The following CYP4B1 variants were observed in gnomAD, a reference collection of about 807,000 sequenced individuals.
CYP4B1 encodes the protein cytochrome P450 4B1.
Under a neutral mutation model 54.0 loss-of-function variants are expected in CYP4B1, and 45 were observed. The observed-to-expected ratio is 0.83, with a 90% CI of 0.66 to 1.07. The LOEUF is 1.07. Among genes scored for constraint, CYP4B1 ranks in the 50% least tolerant of loss-of-function variants. CYP4B1 has a pLI of 0.00. For missense variants in CYP4B1, 656 were observed against 655.4 expected (o/e 1.00, Z -0.01); for synonymous variants, 248 against 247.5 (o/e 1.00, Z -0.02).
intron 1 of CYP4B1, 99 bp from the exon 2 acceptor site, chr1:46,810,709 C>A: frequency 7.5e-7 from 1 of 1,341,352 alleles, no homozygotes; most frequent in Non-Finnish European, 1.1e-6. Flanking sequence ...GCAACCAGGG[C>A]CTGCCTGGGC....
Position 46,799,373 on chromosome 1 carries a change from G to C in CYP4B1, c.180+112G>C, listed in dbSNP as rs906792200. ...GGGAGACTTCAAACTTGGGCAGGGG[G>C]ATGATGTCCTGGGATCCATGGCTTC... On this transcript the variant is annotated intron_variant, in intron 1 of 11. Transcript: ENST00000371923. 17 of 978,190 alleles carry C rather than the reference G, an allele frequency of 1.7e-5. 1 individual carries two copies. Among genetic ancestry groups the C allele is most frequent in the Non-Finnish European group, 1.4e-5 (9 of 662,082 alleles). 60.6% of individuals were successfully genotyped at this position (978,190 alleles called of 1,614,324 possible). A position where few individuals can be genotyped will look rare whatever the true frequency, so the allele number is the denominator to read the frequency against.
At position 46,805,516 on chromosome 1, in the gene CYP4B1, A is replaced by G. The variant is rs138717692; in HGVS notation, c.181-5292A>G. On this transcript the variant is annotated intron_variant, in intron 1 of 11. Transcript: ENST00000371923. ...CTGTATGTTATCTGTTCACATGTAC[A>G]TGTGTAATGGTTTATTTGTCTTTGA... Among the ~76,000 whole-genome samples the G allele has an allele frequency of 8.5e-4, 129 of 152,316 alleles. 1 individual carries two copies. The highest frequency in any genetic ancestry group is 1.4e-3 in the Non-Finnish European group (98 of 68,032).
chr1:46,810,175 C>A (rs1186632111), intron 1 of CYP4B1, among the ~76,000 whole-genome samples: 1 of 152,240 alleles, frequency 6.6e-6, no homozygotes, highest in African/African-American at 2.4e-5. Flanking sequence ...TTGTCTCCAA[C>A]AAGAAGCCTT....
chr1:46,817,328 C>A, intron 9 of CYP4B1, 147 bp downstream of exon 9: 1 of 857,016 alleles, frequency 1.2e-6, no homozygotes, highest in Non-Finnish European at 1.8e-6. Flanking sequence ...AGCCCCACAA[C>A]ATATTGATCA....
chr1:46,799,123 C>T lies in CYP4B1; in HGVS notation c.42C>T (p.Gly14=). The T allele has an allele frequency of 1.9e-6, 3 of 1,614,046 alleles. No individual in the cohort carries two copies. The highest frequency in any genetic ancestry group is 1.7e-6 in the Non-Finnish European group (2 of 1,179,986). ...TCTCCCTGAGCTTCTCCTCCTTGGGCCTGTGGGCTTCTGGGCTGATCTTGG... is the reference window on the plus strand; with the variant it reads ...TCTCCCTGAGCTTCTCCTCCTTGGGTCTGTGGGCTTCTGGGCTGATCTTGG... ...SFLSLSFSSL[G]LWASGLILVL... is the part of the protein sequence containing the mutation. Residue 14 remains glycine (G), a synonymous_variant, in exon 1 of 12, where the codon GGC becomes GGT. Coordinates refer to ENST00000371923, the MANE Select transcript of CYP4B1 (RefSeq NM_001099772.2).
chr1:46,799,313 C>T (rs778845367), intron 1 of CYP4B1, 52 bp downstream of exon 1: 6 of 1,505,526 alleles, frequency 4.0e-6, no homozygotes, highest in Non-Finnish European at 5.4e-6. Flanking sequence ...TCCCTCCTTT[C>T]AGAGAATCAG....
chr1:46,808,894 T>C (rs1221369196), intron 1 of CYP4B1, among the ~76,000 whole-genome samples: 2 of 137,784 alleles, frequency 1.5e-5, no homozygotes, highest in Admixed American at 1.6e-4. Context: ...CCGCATATTC[T>C]CACTCATAGG....
chr1:46,813,703 G>C, intron 5 of CYP4B1, 97 bp downstream of exon 5: 1 of 1,548,072 alleles, frequency 6.5e-7, no homozygotes, highest in Non-Finnish European at 8.8e-7. Context: ...GAAGAGATAG[G>C]GTCCTGCCCC....
At chr1:46,812,150 G>A (rs753223829) in intron 3 of CYP4B1, 2 of 480,858 alleles carry the variant, frequency 4.2e-6, no homozygotes, top group Middle Eastern at 3.1e-4. Context: ...GGCTCAGCAG[G>A]CTCCCCCTCT....
In CYP4B1 at chr1:46,818,802, G is replaced by A. The variant is rs374571859; in HGVS notation, c.1527G>A (p.Gly509=). 45 of 1,614,008 alleles carry A rather than the reference G, an allele frequency of 2.8e-5. No homozygotes were observed. The highest frequency in any genetic ancestry group is 7.6e-6 in the Non-Finnish European group (9 of 1,179,998). ...FHLHLKPLGP[G]SGK ...TCCACCTGAAGCCACTGGGCCCTGG[G>A]TCTGGGAAGTAGCTCTGATGAGAAT... Residue 509 remains glycine, a synonymous_variant, in exon 12 of 12, where the codon GGG becomes GGA. Transcript: ENST00000371923.
intron 1 of CYP4B1, among the ~76,000 whole-genome samples, chr1:46,809,208 A>AAT (rs879740326): frequency 6.6e-4 from 100 of 151,808 alleles, no homozygotes; most frequent in African/African-American, 2.4e-3. Context: ...AAACAAAAAA[A>AAT]AGCTCTCATG....
chr1:46,808,316 G>A (rs1002059563), intron 1 of CYP4B1, among the ~76,000 whole-genome samples: 11 of 151,912 alleles, frequency 7.2e-5, no homozygotes, highest in East Asian at 1.9e-4. Flanking sequence ...GTTGTTTCCT[G>A]ACTTTTTAAT....
chr1:46,810,322 G>T (rs1290114830), intron 1 of CYP4B1, among the ~76,000 whole-genome samples: 1 of 152,188 alleles, frequency 6.6e-6, no homozygotes, highest in Non-Finnish European at 1.5e-5. Flanking sequence ...TCCATAGAAT[G>T]AAAGGGCAGA....
intron 1 of CYP4B1, among the ~76,000 whole-genome samples, chr1:46,805,575 C>A (rs1678825907): frequency 6.6e-6 from 1 of 152,198 alleles, no homozygotes; most frequent in Admixed American, 6.5e-5. Flanking sequence ...ATGTTTGTCA[C>A]CAGCATGGGA....
chr1:46,811,218 C>G, intron 3 of CYP4B1, 34 bp downstream of exon 3: 1 of 1,609,014 alleles, frequency 6.2e-7, no homozygotes, highest in Non-Finnish European at 8.5e-7. Context: ...GCCCTGCCAA[C>G]CTCAGACCCG....
chr1:46,818,207 G>T lies in CYP4B1; in HGVS notation c.1349G>T (p.Gly450Val). The part of the protein sequence containing the change: ...HPFAFMPFSA[G>V]PRNCIGQQFA... ...TTTGCCTTTATGCCCTTCTCTGCTGGGCCCAGGTATGGAGAGACCCAGTAT... is the reference window on the plus strand; with the variant it reads ...TTTGCCTTTATGCCCTTCTCTGCTGTGCCCAGGTATGGAGAGACCCAGTAT... Residue 450 changes from glycine (G) to valine (V), a missense_variant, in exon 11 of 12, where the codon GGG becomes GTG. Physicochemically the swap from Gly to Val is moderately radical, Grantham distance 109 (BLOSUM62 -3). Coordinates refer to ENST00000371923, the MANE Select transcript of CYP4B1 (RefSeq NM_001099772.2). The T allele has an allele frequency of 6.2e-7, 1 of 1,614,032 alleles. No individual in the cohort carries two copies. The highest frequency in any genetic ancestry group is 2.2e-5 in the East Asian group (1 of 44,874).
rs935467724 is a variant in CYP4B1, at chr1:46,818,683, A to G, written c.1408A>G (p.Met470Val). ...AMSEMKVVTA[M>V]CLLRFEFSLD... ...GAGTGAGATGAAGGTGGTCACAGCC[A>G]TGTGCTTGCTCCGCTTTGAGTTCTC... Residue 470 changes from methionine (M) to valine (V), a missense_variant, in exon 12 of 12, where the codon ATG becomes GTG. Physicochemically the swap from Met to Val is conservative, Grantham distance 21. Transcript: ENST00000371923. The G allele has an allele frequency of 1.2e-6, 2 of 1,614,096 alleles. No homozygotes were observed. The highest frequency in any genetic ancestry group is 1.3e-5 in the African/African-American group (1 of 74,938).
At chr1:46,817,422 T>G in intron 9 of CYP4B1, 1 of 556,278 alleles carries the variant, frequency 1.8e-6, no homozygotes, top group Non-Finnish European at 3.2e-6. Flanking sequence ...GCTGTCAGGA[T>G]TAAAGAGAAT....
intron 1 of CYP4B1, among the ~76,000 whole-genome samples, chr1:46,808,592 G>A (rs1014279581): frequency 2.0e-4 from 30 of 151,924 alleles, no homozygotes; most frequent in Admixed American, 8.5e-4. Context: ...CCATTTTGTA[G>A]GTTGCCTGCA....
Sources: gnomAD v4.1 joint callset for allele counts (sites outside exome capture counted in the v4.1 genomes callset) on GRCh38, gnomAD v4.1.1 for gene constraint, MANE v1.5 for transcripts, NCBI Gene and HGNC (gene_info 2026-07-23, HGNC 2026-07-21) for gene names.